Variants in ALK observed in about 807,000 individuals in gnomAD.
ALK encodes ALK tyrosine kinase receptor.
In ALK, 74 loss-of-function variants were observed where a neutral mutation model predicts 163.1. The observed-to-expected ratio is 0.45, with a 90% CI of 0.38 to 0.55. The LOEUF (loss-of-function observed/expected upper bound fraction) is 0.55. ALK is among the 20% of genes least tolerant of loss of function. The pLI, the probability that ALK is intolerant of heterozygous loss-of-function variation, is 0.00. For missense variants in ALK, 2,063 were observed against 2,105.3 expected, an observed-to-expected ratio of 0.98 and a Z score of 0.39; for synonymous variants, 960 against 843.2, an observed-to-expected ratio of 1.14 and a Z score of -2.40.
Position 29,329,527 on chromosome 2 carries a change from T to C in ALK, c.1283-1046A>G, listed in dbSNP as rs906083319. ...CTCTCTGCCTTGTTTTCTAGCTCTA[T>C]CCTGGTCATAGCTGGTGCTAAACCC... is the stretch of plus-strand genomic sequence containing the variant. On this transcript the variant is annotated intron_variant, in intron 5 of 28. Coordinates refer to ENST00000389048, the MANE Select transcript of ALK (RefSeq NM_004304.5). 2.6e-5 allele frequency among the ~76,000 whole-genome samples: 4 copies of C among 152,196 alleles called. No homozygotes were observed. The East Asian group carries it at 5.8e-4, about 22-fold the overall frequency.
chr2:29,541,022 C>T (rs1288680437), intron 3 of ALK, among the ~76,000 whole-genome samples: 2 of 152,236 alleles, frequency 1.3e-5, no homozygotes, highest in South Asian at 2.1e-4. Context: ...CAGACATTAG[C>T]CTTTTTTCCC....
chr2:29,519,787 C>T (rs1330147983), intron 4 of ALK, among the ~76,000 whole-genome samples: 5 of 152,170 alleles, frequency 3.3e-5, no homozygotes, highest in Non-Finnish European at 5.9e-5. Context: ...GGAAATCACT[C>T]TGAGGCCTGC....
intron 4 of ALK, among the ~76,000 whole-genome samples, chr2:29,429,944 G>C (rs11677072): frequency 0.087 from 13,309 of 152,110 alleles, 788 homozygotes; most frequent in Non-Finnish European, 0.13. Flanking sequence ...AGGGTACCAA[G>C]ACAATTCCAT....
intron 1 of ALK, among the ~76,000 whole-genome samples, chr2:29,769,937 A>C (rs1680971033): frequency 6.6e-6 from 1 of 152,226 alleles, no homozygotes; most frequent in Non-Finnish European, 1.5e-5. Context: ...ATTTTCCCAG[A>C]ACTCCTAAAA....
At chr2:29,349,004 G>A (rs1668033719) in intron 5 of ALK, among the ~76,000 whole-genome samples, 1 of 152,190 alleles carries the variant, frequency 6.6e-6, no homozygotes, top group African/African-American at 2.4e-5. Context: ...ATGTACAACG[G>A]GGATAATAAG....
At position 29,320,790 on chromosome 2, in the gene ALK, C is replaced by T. The variant is rs1229156257; in HGVS notation, c.1507G>A (p.Val503Ile). 8.7e-6 allele frequency: 14 copies of T among 1,614,084 alleles called. No individual in the cohort carries two copies. Among genetic ancestry groups the T allele is most frequent in the Non-Finnish European group, 1.1e-5 (13 of 1,180,010 alleles). The change falls in exon 7 of 29, where the codon GTC becomes ATC. Residue 503 changes from valine (V) to isoleucine (I), a missense_variant. Transcript: ENST00000389048. Reference protein sequence around the residue: ...TLSPHTPQWQVRTLKDARFQD... With the variant: ...TLSPHTPQWQIRTLKDARFQD... ...AACCGGGCATCCTTTAGGGTCCTGA[C>T]CTGCCATTGAGGAGTGTGGGGTGAC...
At chr2:29,885,312 G>A (rs763717642) in intron 1 of ALK, among the ~76,000 whole-genome samples, 1 of 152,094 alleles carries the variant, frequency 6.6e-6, no homozygotes, top group Non-Finnish European at 1.5e-5. Context: ...GACCTTTAAG[G>A]CTCATTACAC....
At chr2:29,435,513 T>A (rs571003083) in intron 4 of ALK, among the ~76,000 whole-genome samples, 30 of 152,230 alleles carry the variant, frequency 2.0e-4, no homozygotes, top group African/African-American at 7.2e-4. Context: ...CGTTCTCATC[T>A]AGTTTTGGCA....
In ALK at chr2:29,251,167, C is replaced by T. The variant is rs2148197393; in HGVS notation, c.2142G>A (p.Val714=). 2.5e-6 allele frequency: 4 copies of T among 1,614,184 alleles called. No homozygotes were observed. The highest frequency in any genetic ancestry group is 1.6e-4 in the Middle Eastern group (1 of 6,062). The part of the protein sequence containing the change: ...AYQNSNLSVE[V]GSEGPLKGIQ... ...TGCCTTTCAGGGGGCCCTCGCTCCCCACCTCCACGCTCAGGTTGGAGTTCT... is the reference window on the plus strand; with the variant it reads ...TGCCTTTCAGGGGGCCCTCGCTCCCTACCTCCACGCTCAGGTTGGAGTTCT... The change falls in exon 12 of 29, where the codon GTG becomes GTA. Residue 714 remains valine (V), a synonymous_variant. Transcript: ENST00000389048.
At chr2:29,731,039 G>A (rs535339951) in intron 1 of ALK, among the ~76,000 whole-genome samples, 1 of 152,186 alleles carries the variant, frequency 6.6e-6, no homozygotes, top group Admixed American at 6.5e-5. Context: ...AAACAAAGCA[G>A]GTGGCATGGG....
chr2:29,460,239 CATGAAAAAAT>C (rs1265455786), intron 4 of ALK, among the ~76,000 whole-genome samples: 3 of 152,118 alleles, frequency 2.0e-5, no homozygotes, highest in Non-Finnish European at 4.4e-5. Context: ...AGTTTTGATG[CATGAAAAAAT>C]CGTTTGAAAT....
At chr2:29,573,045 TTCTGGG>T (rs1246077573) in intron 3 of ALK, among the ~76,000 whole-genome samples, 1 of 152,198 alleles carries the variant, frequency 6.6e-6, no homozygotes, top group East Asian at 1.9e-4. Flanking sequence ...GGAACTCAAT[TTCTGGG>T]TAAGCTGCAG....
chr2:29,322,111 G>C (rs939633760), intron 6 of ALK, among the ~76,000 whole-genome samples: 1 of 152,242 alleles, frequency 6.6e-6, no homozygotes, highest in Non-Finnish European at 1.5e-5. Flanking sequence ...AGAGAAGCCT[G>C]TGTCTCCATG....
At chr2:29,834,151 A>C (rs1028477103) in intron 1 of ALK, among the ~76,000 whole-genome samples, 3 of 152,256 alleles carry the variant, frequency 2.0e-5, no homozygotes, top group Admixed American at 2.0e-4. Context: ...TAATATGACC[A>C]GCAAGGCCAC....
chr2:29,369,071 G>A (rs1668578767), intron 5 of ALK, among the ~76,000 whole-genome samples: 2 of 152,190 alleles, frequency 1.3e-5, no homozygotes, highest in Non-Finnish European at 2.9e-5. Context: ...GTCTTCCCAT[G>A]CAGAGACTGC....
intron 19 of ALK, chr2:29,223,753 T>C: frequency 1.7e-6 from 1 of 586,926 alleles, no homozygotes; most frequent in Non-Finnish European, 3.0e-6. Flanking sequence ...ATATGGAAAA[T>C]AATTATTTGT....
chr2:29,524,588 T>A (rs992441272), intron 4 of ALK, among the ~76,000 whole-genome samples: 14 of 151,904 alleles, frequency 9.2e-5, no homozygotes, highest in Non-Finnish European at 1.9e-4. Flanking sequence ...TTGATAGAGG[T>A]TGACTCACTT....
At chr2:29,841,581 T>C (rs1237560513) in intron 1 of ALK, among the ~76,000 whole-genome samples, 1 of 152,200 alleles carries the variant, frequency 6.6e-6, no homozygotes, top group Admixed American at 6.5e-5. Flanking sequence ...GGGAGCCCTC[T>C]ATTGGCCTTC....
chr2:29,214,392 G>C (rs1669546796), intron 23 of ALK, among the ~76,000 whole-genome samples: 1 of 152,134 alleles, frequency 6.6e-6, no homozygotes, highest in South Asian at 2.1e-4. Context: ...TGGAGCAGGT[G>C]TTCTTTCCCT....
Sources: gnomAD v4.1 joint callset for allele counts (sites outside exome capture counted in the v4.1 genomes callset) on GRCh38, gnomAD v4.1.1 for gene constraint, MANE v1.5 for transcripts, NCBI Gene and HGNC (gene_info 2026-07-23, HGNC 2026-07-21) for gene names.